Variants in DAPK1 observed in about 807,000 individuals in gnomAD.
DAPK1 encodes death associated protein kinase 1, also known as death-associated protein kinase 1.
Under a neutral mutation model 144.9 loss-of-function variants are expected in DAPK1, and 56 were observed. That is an observed-to-expected ratio of 0.39 (90% confidence interval 0.31 to 0.48). The LOEUF (loss-of-function observed/expected upper bound fraction) is 0.48, where lower values mean the gene tolerates loss of function less well. Among genes scored for constraint, DAPK1 ranks in the 20% least tolerant of loss-of-function variants. The probability of loss-of-function intolerance (pLI) is 0.95; values close to 1 mark genes in which losing one functional copy is unlikely to be tolerated. For synonymous variants in DAPK1, 690 were observed against 749.0 expected, an observed-to-expected ratio of 0.92 and a Z score of 1.29; for missense variants, 1,454 against 1,875.4, an observed-to-expected ratio of 0.78 and a Z score of 4.15.
intron 2 of DAPK1, among the ~76,000 whole-genome samples, chr9:87,499,839 T>C (rs1824328697): frequency 6.6e-6 from 1 of 152,216 alleles, no homozygotes; most frequent in South Asian, 2.1e-4. Context: ...ATAGTTTCTT[T>C]CGGGGCATCT....
At chr9:87,699,357 A>C (rs1387821576) in intron 23 of DAPK1, among the ~76,000 whole-genome samples, 1 of 152,192 alleles carries the variant, frequency 6.6e-6, no homozygotes, top group Non-Finnish European at 1.5e-5. Flanking sequence ...GTCTTACAAT[A>C]TAAGTTGCAA....
chr9:87,669,672 C>T (rs377690233), intron 19 of DAPK1, among the ~76,000 whole-genome samples: 1 of 151,830 alleles, frequency 6.6e-6, no homozygotes, highest in East Asian at 1.9e-4. Flanking sequence ...CCATATAGAC[C>T]GAGAAGTGCC....
At chr9:87,607,442 C>T (rs756140913) in intron 3 of DAPK1, among the ~76,000 whole-genome samples, 7 of 152,144 alleles carry the variant, frequency 4.6e-5, no homozygotes, top group African/African-American at 4.8e-5. Context: ...AATATTTGAG[C>T]GATGCCTATG....
At chr9:87,560,314 A>C (rs1475874661) in intron 2 of DAPK1, among the ~76,000 whole-genome samples, 1 of 152,144 alleles carries the variant, frequency 6.6e-6, no homozygotes, top group Admixed American at 6.6e-5. Flanking sequence ...GAACTTTAAA[A>C]TTTATTTGAA....
chr9:87,519,158 C>T (rs556367180), intron 2 of DAPK1, among the ~76,000 whole-genome samples: 2 of 151,980 alleles, frequency 1.3e-5, no homozygotes, highest in Non-Finnish European at 2.9e-5. Context: ...CGGCCGATGC[C>T]CCTGGTCCCA....
chr9:87,608,717 A>G (rs960704875), intron 3 of DAPK1, among the ~76,000 whole-genome samples: 2 of 152,202 alleles, frequency 1.3e-5, no homozygotes, highest in African/African-American at 4.8e-5. Flanking sequence ...ATGACCCTAA[A>G]TGAAAGCTGA....
At chr9:87,654,347 G>T (rs934736444) in intron 17 of DAPK1, among the ~76,000 whole-genome samples, 7 of 152,146 alleles carry the variant, frequency 4.6e-5, no homozygotes, top group Non-Finnish European at 1.0e-4. Context: ...TTCAGGAAAT[G>T]TTTATCAATG....
In DAPK1 at chr9:87,563,165, C is replaced by T. The variant is rs987438942; in HGVS notation, c.63-41789C>T. Among the ~76,000 whole-genome samples, 3 of 152,258 alleles carry T rather than the reference C, an allele frequency of 2.0e-5. No homozygotes were observed. The South Asian group carries it at 6.2e-4, about 32-fold the overall frequency. On this transcript the variant is annotated intron_variant, in intron 2 of 25. Transcript: ENST00000408954. ...ACTTTTTGTTCTTTATTAACTGTAC[C>T]TTCCGGCATTCTTTCCTGGTAAACT... is the stretch of plus-strand genomic sequence containing the variant.
chr9:87,521,013 G>C (rs1037187954), intron 2 of DAPK1, among the ~76,000 whole-genome samples: 1 of 152,164 alleles, frequency 6.6e-6, no homozygotes, highest in Admixed American at 6.5e-5. Flanking sequence ...CAATTCACTA[G>C]TTTTTTACCT....
chr9:87,569,870 T>C (rs1827268960), intron 2 of DAPK1, among the ~76,000 whole-genome samples: 1 of 152,238 alleles, frequency 6.6e-6, no homozygotes, highest in East Asian at 1.9e-4. Flanking sequence ...AAAACAACTT[T>C]CACTAAATTG....
chr9:87,622,921 A>AT (rs1400821557), intron 3 of DAPK1, among the ~76,000 whole-genome samples: 1 of 152,112 alleles, frequency 6.6e-6, no homozygotes, highest in East Asian at 1.9e-4. Flanking sequence ...TAAAAAAAAA[A>AT]TAAATAATAA....
chr9:87,572,912 C>T (rs1272769571), intron 2 of DAPK1, among the ~76,000 whole-genome samples: 1 of 152,158 alleles, frequency 6.6e-6, no homozygotes, highest in Non-Finnish European at 1.5e-5. Flanking sequence ...CCACAGAATG[C>T]ATTGGGTGGT....
intron 2 of DAPK1, among the ~76,000 whole-genome samples, chr9:87,551,306 C>T (rs1238559962): frequency 6.6e-6 from 1 of 152,098 alleles, no homozygotes; most frequent in Non-Finnish European, 1.5e-5. Context: ...CACCACCACG[C>T]CTGGCTAATT....
chr9:87,679,505 C>T (rs1050749649), intron 19 of DAPK1, among the ~76,000 whole-genome samples: 10 of 152,244 alleles, frequency 6.6e-5, no homozygotes, highest in Admixed American at 5.2e-4. Context: ...AGCCACATCA[C>T]GTAAACCTTG....
intron 10 of DAPK1, 88 bp from the exon 11 acceptor site, chr9:87,643,288 C>T (rs1830157502): frequency 4.1e-6 from 3 of 731,256 alleles, no homozygotes; most frequent in Non-Finnish European, 6.6e-6. Context: ...ACTCATTTGA[C>T]AATTGTTACA....
chr9:87,650,516 A>T (rs1045667715), intron 16 of DAPK1: 2 of 227,262 alleles, frequency 8.8e-6, no homozygotes, highest in African/African-American at 2.4e-5. Context: ...TGTTGTAAAA[A>T]GACAATAAAC....
chr9:87,499,066 T>A lies in DAPK1; in HGVS notation c.-12T>A, dbSNP rs1349882271. 6.2e-7 allele frequency: 1 copy of A among 1,613,766 alleles called. No homozygotes were observed. The highest frequency in any genetic ancestry group is 2.2e-5 in the East Asian group (1 of 44,868). On this transcript the variant is annotated 5_prime_UTR_variant, in exon 2 of 26. Coordinates refer to ENST00000408954, the MANE Select transcript of DAPK1 (RefSeq NM_004938.4). Reference sequence around the variant, plus strand: ...AAGTGCCCTGGGCTTTGGTGAGGCGTGACAGTTTATCATGACCGTGTTCAG... The same window carrying A: ...AAGTGCCCTGGGCTTTGGTGAGGCGAGACAGTTTATCATGACCGTGTTCAG...
intron 13 of DAPK1, among the ~76,000 whole-genome samples, chr9:87,646,780 A>G (rs3118867): frequency 0.41 from 63,026 of 152,068 alleles, 14,434 homozygotes; most frequent in Admixed American, 0.57. Flanking sequence ...GCTTGACATC[A>G]GCATTTCTTT....
chr9:87,513,259 C>A (rs1333796429), intron 2 of DAPK1, among the ~76,000 whole-genome samples: 2 of 152,204 alleles, frequency 1.3e-5, no homozygotes, highest in Non-Finnish European at 2.9e-5. Flanking sequence ...TGGGCAGGGC[C>A]CTCTATCTCA....
Sources: allele counts gnomAD v4.1 joint callset (sites outside exome capture counted in the v4.1 genomes callset), GRCh38; gene constraint gnomAD v4.1.1; transcripts MANE v1.5; gene names NCBI Gene and HGNC (gene_info 2026-07-23, HGNC 2026-07-21).